Variants in PLEKHG1 observed in about 807,000 individuals in gnomAD.
PLEKHG1 encodes pleckstrin homology domain-containing family G member 1.
A neutral mutation model predicts 100.8 loss-of-function variants in PLEKHG1; 44 were observed. The observed-to-expected ratio is 0.44, with a 90% CI of 0.34 to 0.56. The LOEUF (loss-of-function observed/expected upper bound fraction) is 0.56, where lower values mean the gene tolerates loss of function less well. Among genes scored for constraint, PLEKHG1 ranks in the 20% least tolerant of loss-of-function variants. The probability of loss-of-function intolerance (pLI) is 0.01; values close to 1 mark genes in which losing one functional copy is unlikely to be tolerated. For synonymous variants in PLEKHG1, 640 were observed against 662.5 expected, an observed-to-expected ratio of 0.97 and a Z score of 0.52; for missense variants, 1,545 against 1,720.9, an observed-to-expected ratio of 0.90 and a Z score of 1.81.
intron 3 of PLEKHG1, among the ~76,000 whole-genome samples, chr6:150,774,867 C>CT (rs1314697429): frequency 1.3e-5 from 2 of 151,638 alleles, no homozygotes; most frequent in East Asian, 3.9e-4. Context: ...TTTAAAAATT[C>CT]TTTTTTAAAA....
chr6:150,796,572 C>T (rs1056835376), intron 5 of PLEKHG1, among the ~76,000 whole-genome samples: 3 of 152,160 alleles, frequency 2.0e-5, no homozygotes, highest in South Asian at 2.1e-4. Flanking sequence ...ATTTATTGGG[C>T]ACTTACTAAT....
chr6:150,684,559 C>T (rs774907217), intron 3 of PLEKHG1, among the ~76,000 whole-genome samples: 3 of 152,224 alleles, frequency 2.0e-5, no homozygotes, highest in African/African-American at 4.8e-5. Context: ...GCTGTGCTTC[C>T]GAAATGGTTC....
chr6:150,707,001 T>TC (rs1781048204), intron 3 of PLEKHG1, among the ~76,000 whole-genome samples: 1 of 127,226 alleles, frequency 7.9e-6, no homozygotes, highest in East Asian at 2.2e-4. Context: ...TCTTTTTCTT[T>TC]TTTTTTTTTT....
At chr6:150,647,949 T>C (rs1437388557) in intron 2 of PLEKHG1, among the ~76,000 whole-genome samples, 2 of 152,170 alleles carry the variant, frequency 1.3e-5, no homozygotes, top group Non-Finnish European at 2.9e-5. Context: ...TACCTCATAT[T>C]GAATTTCCTG....
exon 10 of PLEKHG1, chr6:150,809,720 A>G (rs954557513): frequency 6.2e-7 from 1 of 1,613,310 alleles, no homozygotes; most frequent in Non-Finnish European, 8.5e-7. Context: ...CCATGCAGCC[A>G]AGATTCCAGC....
At chr6:150,715,014 G>A (rs1781372300) in intron 3 of PLEKHG1, among the ~76,000 whole-genome samples, 1 of 151,562 alleles carries the variant, frequency 6.6e-6, no homozygotes, top group Admixed American at 6.6e-5. Flanking sequence ...GGCCAGGCTG[G>A]TCTCGAACTC....
chr6:150,628,527 A>AACACACACACACACACAC (rs565121317), intron 1 of PLEKHG1, among the ~76,000 whole-genome samples: 1,511 of 94,710 alleles, frequency 0.016, 37 homozygotes, highest in African/African-American at 0.022. Flanking sequence ...TAGATAGGAA[A>AACACACACACACACACAC]ACACACACAC....
exon 16 of PLEKHG1, chr6:150,839,901 CAGA>C (rs1331190767): frequency 1.2e-6 from 2 of 1,613,898 alleles, no homozygotes; most frequent in Non-Finnish European, 1.7e-6. Context: ...CTTGAAAATT[CAGA>C]AGGATGGCTG....
chr6:150,731,983 A>T lies in PLEKHG1; in HGVS notation c.-98-1601A>T, dbSNP rs1176352638. 4.6e-4 allele frequency among the ~76,000 whole-genome samples: 54 copies of T among 117,140 alleles called. 1 individual carries two copies. Among genetic ancestry groups the T allele is most frequent in the Admixed American group, 4.3e-3 (49 of 11,414 alleles). 76.8% of individuals were successfully genotyped at this position (117,140 alleles called of 152,430 possible). On this transcript the variant is annotated intron_variant, in intron 1 of 15. Transcript: ENST00000358517. Reference sequence around the variant, plus strand: ...GTGACTTTTTTTTTTTTTTTTTGAGACGGACTCTCTCTCTGTCGCCCAGTC... The same window carrying T: ...GTGACTTTTTTTTTTTTTTTTTGAGTCGGACTCTCTCTCTGTCGCCCAGTC...
chr6:150,750,088 ATC>A (rs1783416991), intron 2 of PLEKHG1, among the ~76,000 whole-genome samples: 1 of 151,516 alleles, frequency 6.6e-6, no homozygotes, highest in African/African-American at 2.4e-5. Context: ...AAAAGAAAAT[ATC>A]TACTAGAAGA....
intron 3 of PLEKHG1, among the ~76,000 whole-genome samples, chr6:150,689,426 C>T (rs1356344204): frequency 6.6e-6 from 1 of 152,180 alleles, no homozygotes; most frequent in African/African-American, 2.4e-5. Flanking sequence ...TCTTTAAAGG[C>T]AGGAACCATA....
intron 1 of PLEKHG1, among the ~76,000 whole-genome samples, chr6:150,630,406 C>T (rs1029652960): frequency 3.3e-5 from 5 of 152,076 alleles, no homozygotes; most frequent in Non-Finnish European, 7.4e-5. Flanking sequence ...AAGTGGTGAA[C>T]CATGGTTGAG....
At chr6:150,632,397 G>A (rs1777796953) in intron 1 of PLEKHG1, among the ~76,000 whole-genome samples, 1 of 151,974 alleles carries the variant, frequency 6.6e-6, no homozygotes, top group Admixed American at 6.6e-5. Context: ...TTTTATCATC[G>A]GCCTTGGCCA....
chr6:150,657,015 C>T (rs963208325), intron 3 of PLEKHG1, among the ~76,000 whole-genome samples: 2 of 152,122 alleles, frequency 1.3e-5, no homozygotes, highest in Admixed American at 6.5e-5. Context: ...TATCCCAAAA[C>T]ATTTAGTTAT....
intron 4 of PLEKHG1, among the ~76,000 whole-genome samples, chr6:150,786,754 G>T (rs898880370): frequency 6.6e-6 from 1 of 152,058 alleles, no homozygotes; most frequent in Non-Finnish European, 1.5e-5. Context: ...AATGGGCCGG[G>T]CATGGTGGCT....
At chr6:150,665,895 GT>G (rs1374405476) in intron 3 of PLEKHG1, among the ~76,000 whole-genome samples, 1 of 152,084 alleles carries the variant, frequency 6.6e-6, no homozygotes, top group Non-Finnish European at 1.5e-5. Context: ...GGAAGGCACA[GT>G]TAAGGCTAAA....
At chr6:150,828,635 T>C (rs1776746230) in intron 14 of PLEKHG1, among the ~76,000 whole-genome samples, 1 of 152,008 alleles carries the variant, frequency 6.6e-6, no homozygotes, top group Non-Finnish European at 1.5e-5. Flanking sequence ...AAAAAGATAC[T>C]TCAATATTAA....
chr6:150,795,853 C>T lies in PLEKHG1; in HGVS notation c.583-3C>T. ...TATAAAAATTTCTTTTGTTTCCTTG[C>T]AGAGTGAAGAGTTCCACATTTATAC... On this transcript the variant is annotated splice_region_variant and splice_polypyrimidine_tract_variant and intron_variant, in intron 4 of 15. Transcript: ENST00000358517. 1 of 1,588,780 alleles carries T rather than the reference C, an allele frequency of 6.3e-7. No individual in the cohort carries two copies.
chr6:150,713,470 G>T (rs1212777980), intron 3 of PLEKHG1, among the ~76,000 whole-genome samples: 1 of 152,148 alleles, frequency 6.6e-6, no homozygotes, highest in East Asian at 1.9e-4. Context: ...AAGCATATGG[G>T]CTCCCCTGAG....
Sources: gnomAD v4.1 joint callset for allele counts (sites outside exome capture counted in the v4.1 genomes callset) on GRCh38, gnomAD v4.1.1 for gene constraint, MANE v1.5 for transcripts, NCBI Gene and HGNC (gene_info 2026-07-23, HGNC 2026-07-21) for gene names.